Variants in VAV3 observed in about 807,000 individuals in gnomAD.
VAV3 encodes vav guanine nucleotide exchange factor 3, also known as guanine nucleotide exchange factor VAV3.
VAV3 carries 94 observed loss-of-function variants against 131.2 expected under a neutral mutation model. The ratio of observed to expected loss-of-function variants is 0.72; its 90% CI spans 0.61 to 0.85. VAV3 has a LOEUF of 0.85. Among genes scored for constraint, VAV3 ranks in the 40% least tolerant of loss-of-function variants. The pLI is 0.00. For synonymous variants in VAV3, 349 were observed against 342.0 expected (o/e 1.02, Z -0.22); for missense variants, 939 against 1,002.7 (o/e 0.94, Z 0.86).
chr1:107,685,194 T>C (rs543537675), intron 18 of VAV3, among the ~76,000 whole-genome samples: 5 of 152,190 alleles, frequency 3.3e-5, no homozygotes, highest in Non-Finnish European at 7.4e-5. Context: ...TCTTACACCT[T>C]GAATTTAGAA....
At chr1:107,711,689 AT>A (rs372114067) in intron 15 of VAV3, among the ~76,000 whole-genome samples, 65 of 152,308 alleles carry the variant, frequency 4.3e-4, no homozygotes, top group African/African-American at 1.3e-3. Flanking sequence ...AAATAAATGC[AT>A]TCAATAAATT....
At chr1:107,627,618 C>A (rs895275756) in intron 20 of VAV3, among the ~76,000 whole-genome samples, 2 of 152,086 alleles carry the variant, frequency 1.3e-5, no homozygotes, top group Non-Finnish European at 2.9e-5. Flanking sequence ...ACTTTTTTCT[C>A]CTTTTCAATC....
chr1:107,847,794 A>G (rs1669039286), intron 2 of VAV3, among the ~76,000 whole-genome samples: 1 of 152,348 alleles, frequency 6.6e-6, no homozygotes, highest in African/African-American at 2.4e-5. Flanking sequence ...GACCAACTAA[A>G]AAAAGCCCAG....
At chr1:107,809,648 T>G (rs1667225833) in intron 2 of VAV3, among the ~76,000 whole-genome samples, 1 of 152,162 alleles carries the variant, frequency 6.6e-6, no homozygotes, top group Non-Finnish European at 1.5e-5. Context: ...AAGAAGATAT[T>G]CAAACAACAT....
chr1:107,799,603 T>C (rs1666731578), intron 2 of VAV3, among the ~76,000 whole-genome samples: 1 of 152,164 alleles, frequency 6.6e-6, no homozygotes, highest in Admixed American at 6.5e-5. Context: ...GAGTACATGC[T>C]GTAATTTGAT....
chr1:107,838,136 C>G (rs998686939), intron 2 of VAV3, among the ~76,000 whole-genome samples: 2 of 152,112 alleles, frequency 1.3e-5, no homozygotes, highest in African/African-American at 4.8e-5. Context: ...AACTATGCAT[C>G]CGACAAAGTT....
intron 1 of VAV3, among the ~76,000 whole-genome samples, chr1:107,913,723 A>G (rs1197691467): frequency 6.6e-6 from 1 of 152,232 alleles, no homozygotes; most frequent in African/African-American, 2.4e-5. Context: ...GGAATCATCA[A>G]CCTTGGCAGA....
rs574423130 is a variant in VAV3 at position 107,960,733 on chromosome 1, C to T, written c.204+3933G>A. 3.3e-5 allele frequency among the ~76,000 whole-genome samples: 5 copies of T among 152,208 alleles called. No individual in the cohort carries two copies. The South Asian group carries it at 1.0e-3, about 32-fold the overall frequency. On this transcript the variant is annotated intron_variant, in intron 1 of 26. Coordinates refer to ENST00000370056, the MANE Select transcript of VAV3 (RefSeq NM_006113.5). Reference sequence around the variant, plus strand: ...GGAGCTTTGCACTTGGTATTCCCTCCACCAGGAATATTCTTTTTTCCAAAC... The same window carrying T: ...GGAGCTTTGCACTTGGTATTCCCTCTACCAGGAATATTCTTTTTTCCAAAC...
intron 25 of VAV3, chr1:107,576,529 A>G (rs1038067918): frequency 2.2e-6 from 3 of 1,394,184 alleles, no homozygotes; most frequent in African/African-American, 1.5e-5. Context: ...GTATTGGCAA[A>G]AATATCTCAA....
chr1:107,948,773 G>T (rs1041651994), intron 1 of VAV3, among the ~76,000 whole-genome samples: 5 of 152,012 alleles, frequency 3.3e-5, no homozygotes, highest in Admixed American at 1.3e-4. Context: ...TTAAACCCAG[G>T]AAGTGGAGGT....
chr1:107,810,040 T>G (rs1667245482), intron 2 of VAV3, among the ~76,000 whole-genome samples: 1 of 152,240 alleles, frequency 6.6e-6, no homozygotes, highest in African/African-American at 2.4e-5. Context: ...AAAGACCATA[T>G]ATTTTGAAAT....
At chr1:107,804,537 T>C (rs1666971653) in intron 2 of VAV3, among the ~76,000 whole-genome samples, 1 of 152,030 alleles carries the variant, frequency 6.6e-6, no homozygotes, top group Non-Finnish European at 1.5e-5. Flanking sequence ...TAATCTTTAT[T>C]TTAACTCCAT....
chr1:107,804,442 A>G (rs1570977044), intron 2 of VAV3, among the ~76,000 whole-genome samples: 1 of 152,184 alleles, frequency 6.6e-6, no homozygotes, highest in East Asian at 1.9e-4. Context: ...GAGGCTTACA[A>G]AAAAATCTTG....
intron 21 of VAV3, among the ~76,000 whole-genome samples, chr1:107,611,194 T>C (rs187280088): frequency 3.3e-5 from 5 of 152,352 alleles, no homozygotes; most frequent in Admixed American, 2.6e-4. Context: ...ATGTCAGTGC[T>C]TAAAAAGTTT....
chr1:107,964,928 C>T lies in VAV3; in HGVS notation c.-59G>A. 8.2e-7 allele frequency: 1 copy of T among 1,215,714 alleles called. No individual in the cohort carries two copies. Among genetic ancestry groups the T allele is most frequent in the Non-Finnish European group, 1.0e-6 (1 of 967,722 alleles). 75.3% of individuals were successfully genotyped at this position (1,215,714 alleles called of 1,614,324 possible). ...CGGGCGGCAAGGATGCGGCCGCCGC[C>T]GCCGCCGCCGCGGTTCCTCCGCGCC... On this transcript the variant is annotated 5_prime_UTR_variant, in exon 1 of 27. Coordinates refer to ENST00000370056, the MANE Select transcript of VAV3 (RefSeq NM_006113.5).
At chr1:107,915,006 G>A (rs746214289) in intron 1 of VAV3, among the ~76,000 whole-genome samples, 1 of 152,182 alleles carries the variant, frequency 6.6e-6, no homozygotes, top group Admixed American at 6.5e-5. Flanking sequence ...AGGCATTAGA[G>A]AGAGAGACAG....
chr1:107,798,274 C>G (rs969432394), intron 2 of VAV3, among the ~76,000 whole-genome samples: 3 of 152,088 alleles, frequency 2.0e-5, no homozygotes, highest in African/African-American at 7.2e-5. Flanking sequence ...GGCCTTCCCC[C>G]ACTCTGTACA....
chr1:107,727,387 T>C (rs1192040092), intron 15 of VAV3, among the ~76,000 whole-genome samples: 1 of 152,248 alleles, frequency 6.6e-6, no homozygotes, highest in African/African-American at 2.4e-5. Context: ...CTTCATTACT[T>C]TTCATCATTA....
chr1:107,828,130 T>C (rs1377160545), intron 2 of VAV3, among the ~76,000 whole-genome samples: 2 of 152,300 alleles, frequency 1.3e-5, no homozygotes, highest in East Asian at 3.9e-4. Flanking sequence ...GCGAGATTCA[T>C]TCTGGCATTT....
Sources: allele counts gnomAD v4.1 joint callset (sites outside exome capture counted in the v4.1 genomes callset), GRCh38; gene constraint gnomAD v4.1.1; transcripts MANE v1.5; gene names NCBI Gene and HGNC (gene_info 2026-07-23, HGNC 2026-07-21).